SCARA5: variants seen among roughly 807,000 people sequenced by gnomAD.
SCARA5 encodes scavenger receptor class A member 5.
In SCARA5, 45 loss-of-function variants were observed where a neutral mutation model predicts 46.3. The observed-to-expected ratio is 0.97, with a 90% CI of 0.76 to 1.24. The LOEUF is 1.24. Ranked by LOEUF, SCARA5 falls within the 50% of genes most tolerant of loss-of-function variation. The pLI, the probability that SCARA5 is intolerant of heterozygous loss-of-function variation, is 0.00. For missense variants in SCARA5, 680 were observed against 689.0 expected, an observed-to-expected ratio of 0.99 and a Z score of 0.15; for synonymous variants, 333 against 306.5, an observed-to-expected ratio of 1.09 and a Z score of -0.90.
At chr8:27,892,029 G>A (rs572416712) in intron 7 of SCARA5, among the ~76,000 whole-genome samples, 3 of 152,338 alleles carry the variant, frequency 2.0e-5, no homozygotes, top group South Asian at 2.1e-4. Context: ...GGGAAAGACC[G>A]TGAATCATTG....
At chr8:27,976,805 G>A (rs993597053) in intron 2 of SCARA5, among the ~76,000 whole-genome samples, 15 of 152,106 alleles carry the variant, frequency 9.9e-5, no homozygotes, top group African/African-American at 3.6e-4. Flanking sequence ...TCAGCAGGTC[G>A]GGGCAAAGAG....
intron 3 of SCARA5, among the ~76,000 whole-genome samples, chr8:27,941,920 G>A (rs1055587091): frequency 2.0e-4 from 30 of 151,568 alleles, no homozygotes; most frequent in African/African-American, 5.6e-4. Flanking sequence ...TCTGCCTCCC[G>A]GATTCAAGTG....
At chr8:27,975,974 T>G (rs1166594610) in intron 2 of SCARA5, among the ~76,000 whole-genome samples, 2 of 152,242 alleles carry the variant, frequency 1.3e-5, no homozygotes, top group East Asian at 3.8e-4. Context: ...CTCTCCATCT[T>G]GTCACTTTCA....
intron 3 of SCARA5, among the ~76,000 whole-genome samples, chr8:27,958,452 G>C (rs1808239705): frequency 6.6e-6 from 1 of 152,120 alleles, no homozygotes; most frequent in Non-Finnish European, 1.5e-5. Context: ...GAGGCTGGGG[G>C]GACTTCAAAC....
intron 2 of SCARA5, among the ~76,000 whole-genome samples, chr8:27,976,413 T>C (rs1392568693): frequency 1.3e-5 from 2 of 152,168 alleles, no homozygotes; most frequent in Admixed American, 6.5e-5. Flanking sequence ...TTCAGAAGAT[T>C]CCCAGTTCCC....
intron 3 of SCARA5, among the ~76,000 whole-genome samples, chr8:27,925,727 C>G (rs1191548621): frequency 2.0e-5 from 3 of 152,080 alleles, no homozygotes; most frequent in Non-Finnish European, 4.4e-5. Flanking sequence ...CCAGAATCTA[C>G]AAAGAACTCA....
intron 2 of SCARA5, among the ~76,000 whole-genome samples, chr8:27,971,764 A>G (rs1004493527): frequency 2.6e-5 from 4 of 151,718 alleles, no homozygotes; most frequent in African/African-American, 9.7e-5. Flanking sequence ...AAGAGCCCAG[A>G]ATGCCAGGCT....
At chr8:27,876,339 G>T (rs1806723148) in intron 8 of SCARA5, among the ~76,000 whole-genome samples, 1 of 152,156 alleles carries the variant, frequency 6.6e-6, no homozygotes, top group African/African-American at 2.4e-5. Context: ...ACTAACCACT[G>T]CTCTACCTGC....
intron 8 of SCARA5, among the ~76,000 whole-genome samples, chr8:27,873,757 C>T (rs1037371947): frequency 6.6e-6 from 1 of 152,236 alleles, no homozygotes; most frequent in Non-Finnish European, 1.5e-5. Flanking sequence ...TGCCATGGCT[C>T]ACGCCTGTAA....
chr8:27,921,455 G>A lies in SCARA5; in HGVS notation c.916+116C>T, dbSNP rs927716560. ...GAGAGTATGGGGCTGGGAATGGCAAGTGCACTTGGGGATGGGGTGGGGCTG... is the reference window on the plus strand; with the variant it reads ...GAGAGTATGGGGCTGGGAATGGCAAATGCACTTGGGGATGGGGTGGGGCTG... On this transcript the variant is annotated intron_variant, in intron 4 of 8. Coordinates refer to ENST00000354914, the MANE Select transcript of SCARA5 (RefSeq NM_173833.6). 12 of 850,674 alleles carry A rather than the reference G, an allele frequency of 1.4e-5. No homozygotes were observed. The African/African-American group carries it at 1.9e-4, about 14-fold the overall frequency. 52.7% of individuals were successfully genotyped at this position (850,674 alleles called of 1,614,324 possible). A position where few individuals can be genotyped will look rare whatever the true frequency, so the allele number is the denominator to read the frequency against.
At position 27,904,025 on chromosome 8, in the gene SCARA5, T is replaced by A. The variant is rs557922163; in HGVS notation, c.1153+753A>T. 2.4e-3 allele frequency among the ~76,000 whole-genome samples: 24 copies of A among 9,998 alleles called. No individual in the cohort carries two copies. The East Asian group carries it at 0.5, about 208-fold the overall frequency. 6.6% of individuals were successfully genotyped at this position (9,998 alleles called of 152,430 possible). The stretch of plus-strand genomic sequence containing the variant: ...TCTGGCAAGTCTCCAAGATTCTACA[T>A]GTAGCCCTCTCTAGGGGAAAAGTAA... On this transcript the variant is annotated intron_variant, in intron 7 of 8. Coordinates refer to ENST00000354914, the MANE Select transcript of SCARA5 (RefSeq NM_173833.6).
rs138701331 is a variant in SCARA5 at position 27,918,221 on chromosome 8, G to C, written c.916+3350C>G. Among the ~76,000 whole-genome samples, 1,231 of 152,290 alleles carry C rather than the reference G, an allele frequency of 8.1e-3. 7 individuals carry two copies. Among genetic ancestry groups the C allele is most frequent in the Non-Finnish European group, 0.011 (737 of 68,030 alleles). On this transcript the variant is annotated intron_variant, in intron 4 of 8. Transcript: ENST00000354914. ...GGATCATTACCAGCCATGAGGCCTT[G>C]AGTAAGGCAGGGACTTCCTCCCTGA...
chr8:27,892,606 CTTTTTT>C (rs1230257718), intron 7 of SCARA5, among the ~76,000 whole-genome samples: 3 of 127,034 alleles, frequency 2.4e-5, no homozygotes, highest in Non-Finnish European at 4.7e-5. Context: ...ATACCTCACC[CTTTTTT>C]TTTTTTTTTT....
intron 2 of SCARA5, among the ~76,000 whole-genome samples, chr8:27,983,947 A>C (rs1026622601): frequency 6.6e-6 from 1 of 152,120 alleles, no homozygotes; most frequent in African/African-American, 2.4e-5. Context: ...CTCGCCCTCC[A>C]TTGAAGGAGG....
intron 4 of SCARA5, among the ~76,000 whole-genome samples, chr8:27,920,006 A>T (rs1195159851): frequency 1.3e-5 from 2 of 151,418 alleles, no homozygotes; most frequent in African/African-American, 4.9e-5. Flanking sequence ...GACGTGGGAG[A>T]AGTGCATTTC....
chr8:27,905,173 G>A (rs1280923563), intron 6 of SCARA5, among the ~76,000 whole-genome samples: 3 of 151,992 alleles, frequency 2.0e-5, no homozygotes, highest in Non-Finnish European at 4.4e-5. Context: ...ATGAGCCCAG[G>A]GGAAAACAAA....
At chr8:27,942,431 A>G (rs186899816) in intron 3 of SCARA5, among the ~76,000 whole-genome samples, 1 of 152,166 alleles carries the variant, frequency 6.6e-6, no homozygotes, top group East Asian at 1.9e-4. Context: ...CAAGCCTGCC[A>G]GCTCTCTCAC....
At position 27,921,984 on chromosome 8, in the gene SCARA5, G is replaced by C. The variant is rs770711160; in HGVS notation, c.503C>G (p.Ala168Gly). The C allele has an allele frequency of 2.6e-6, 4 of 1,546,850 alleles. No individual in the cohort carries two copies. The Admixed American group carries it at 7.6e-5, about 29-fold the overall frequency. Residue 168 changes from alanine (A) to glycine (G), a missense_variant, in exon 4 of 9, where the codon GCC (alanine) becomes GGC (glycine). By Grantham distance (60) the Ala-to-Gly change is moderately conservative (BLOSUM62 0). This residue lies in a region of SCARA5 where 438 missense variants were observed against 384.5 expected (regional missense o/e 1.14). Transcript: ENST00000354914. ...CTGGCCCGTGCGGTCCCGCAGCAGGGCCACCGCCTGCTCGGTCTGCACCGC... is the reference window on the plus strand; with the variant it reads ...CTGGCCCGTGCGGTCCCGCAGCAGGCCCACCGCCTGCTCGGTCTGCACCGC... The part of the protein sequence containing the change: ...AQAVQTEQAV[A>G]LLRDRTGQQS...
intron 7 of SCARA5, chr8:27,904,438 C>A: frequency 2.1e-6 from 1 of 478,006 alleles, no homozygotes; most frequent in Non-Finnish European, 3.7e-6. Flanking sequence ...TCACAATGAC[C>A]TTATAAGGTA....
Sources: allele counts gnomAD v4.1 joint callset (sites outside exome capture counted in the v4.1 genomes callset), GRCh38; gene constraint gnomAD v4.1.1; regional missense constraint gnomAD v4.1.1; transcripts MANE v1.5; gene names NCBI Gene and HGNC (gene_info 2026-07-23, HGNC 2026-07-21).